The following CPNE8 variants were observed in gnomAD, a reference collection of about 807,000 sequenced individuals.
The protein encoded by CPNE8 is copine-8.
A neutral mutation model predicts 81.5 loss-of-function variants in CPNE8; 45 were observed. The ratio of observed to expected loss-of-function variants is 0.55; its 90% CI spans 0.44 to 0.71. The LOEUF (loss-of-function observed/expected upper bound fraction) is 0.71. Among genes scored for constraint, CPNE8 ranks in the 30% least tolerant of loss-of-function variants. The pLI, the probability that CPNE8 is intolerant of heterozygous loss-of-function variation, is 0.00. For missense variants in CPNE8, 594 were observed against 672.1 expected, an observed-to-expected ratio of 0.88 and a Z score of 1.28; for synonymous variants, 252 against 226.3, an observed-to-expected ratio of 1.11 and a Z score of -1.02.
At chr12:38,791,221 T>A (rs1942314918) in intron 6 of CPNE8, among the ~76,000 whole-genome samples, 1 of 151,660 alleles carries the variant, frequency 6.6e-6, no homozygotes, top group Non-Finnish European at 1.5e-5. Context: ...TCAGAACAGA[T>A]GTTTCATTTC....
At chr12:38,700,024 A>C (rs1350517092) in intron 14 of CPNE8, among the ~76,000 whole-genome samples, 1 of 151,992 alleles carries the variant, frequency 6.6e-6, no homozygotes, top group Non-Finnish European at 1.5e-5. Flanking sequence ...GGATACTTTT[A>C]TTTCTCTCCT....
intron 1 of CPNE8, among the ~76,000 whole-genome samples, chr12:38,879,143 A>G (rs181709110): frequency 4.3e-4 from 66 of 152,298 alleles, no homozygotes; most frequent in Non-Finnish European, 7.9e-4. Context: ...GTCCCTGGCA[A>G]AACTCCAACC....
chr12:38,797,192 C>A (rs1380163821), intron 6 of CPNE8, among the ~76,000 whole-genome samples: 2 of 152,150 alleles, frequency 1.3e-5, no homozygotes, highest in South Asian at 2.1e-4. Context: ...TTGAACAGAG[C>A]AGTGGTTCTC....
At position 38,783,808 on chromosome 12, in the gene CPNE8, T is replaced by G. The variant is rs146781301; in HGVS notation, c.408-7507A>C. ...TACTAGTCTGCAAGAACCACAGCAT[T>G]GGTGGGCTTTGGCCCCTAAAGTAGA... On this transcript the variant is annotated intron_variant, in intron 6 of 19. Coordinates refer to ENST00000331366, the MANE Select transcript of CPNE8 (RefSeq NM_153634.3). Among the ~76,000 whole-genome samples the G allele has an allele frequency of 9.5e-4, 144 of 152,338 alleles. 1 individual carries two copies. The highest frequency in any genetic ancestry group is 3.3e-3 in the African/African-American group (138 of 41,590).
intron 1 of CPNE8, among the ~76,000 whole-genome samples, chr12:38,902,452 AAG>A (rs1195566722): frequency 6.6e-6 from 1 of 151,952 alleles, no homozygotes; most frequent in East Asian, 1.9e-4. Context: ...GAGAGAAAGA[AAG>A]ATAAAGAATG....
intron 1 of CPNE8, among the ~76,000 whole-genome samples, chr12:38,898,505 TACA>T (rs1228838566): frequency 2.0e-5 from 3 of 152,178 alleles, no homozygotes; most frequent in African/African-American, 7.2e-5. Flanking sequence ...TGTTACGGTC[TACA>T]ACAACTTTAC....
chr12:38,686,568 A>T (rs553647472), intron 15 of CPNE8, among the ~76,000 whole-genome samples: 6 of 152,386 alleles, frequency 3.9e-5, no homozygotes, highest in Non-Finnish European at 7.3e-5. Context: ...AGTGGCTTAA[A>T]GCAATGAACA....
chr12:38,796,457 T>A (rs1942475923), intron 6 of CPNE8, among the ~76,000 whole-genome samples: 1 of 152,150 alleles, frequency 6.6e-6, no homozygotes. Flanking sequence ...TTCCTATTCA[T>A]CAAAGCATAG....
chr12:38,872,998 AC>A lies in CPNE8; in HGVS notation c.186+5del, dbSNP rs1944014816. 6.6e-7 allele frequency: 1 copy of A among 1,510,892 alleles called. No homozygotes were observed. The highest frequency in any genetic ancestry group is 9.2e-7 in the Non-Finnish European group (1 of 1,090,966). 93.6% of individuals were successfully genotyped at this position (1,510,892 alleles called of 1,614,324 possible). ...AGTGATTTTTTTAAAAAAGTTTTAA[AC>A]TTACCTCTCTCCATTCTTTATTTCC... On this transcript the variant is annotated splice_donor_5th_base_variant and intron_variant, in intron 3 of 19. Transcript: ENST00000331366.
intron 15 of CPNE8, among the ~76,000 whole-genome samples, chr12:38,686,872 C>T (rs1565567275): frequency 6.6e-6 from 1 of 152,292 alleles, no homozygotes; most frequent in East Asian, 1.9e-4. Flanking sequence ...GCCCCAATGC[C>T]TTTTATGAGC....
chr12:38,811,736 G>A (rs1592112976), intron 6 of CPNE8, among the ~76,000 whole-genome samples: 1 of 152,258 alleles, frequency 6.6e-6, no homozygotes, highest in East Asian at 1.9e-4. Context: ...GCTGGGTGTG[G>A]TGGTGCACAC....
At chr12:38,742,830 T>C (rs1313602345) in intron 10 of CPNE8, among the ~76,000 whole-genome samples, 1 of 151,996 alleles carries the variant, frequency 6.6e-6, no homozygotes, top group Non-Finnish European at 1.5e-5. Context: ...AACAAGTTTG[T>C]GTCTCTGTCC....
chr12:38,652,392 TCAA>T lies in CPNE8; in HGVS notation c.*1487_*1489del, dbSNP rs1338549753. On this transcript the variant is annotated 3_prime_UTR_variant, in exon 20 of 20. Coordinates refer to ENST00000331366, the MANE Select transcript of CPNE8 (RefSeq NM_153634.3). ...AAAGATTTTAATACATAATTAAAAA[TCAA>T]CAATTATTACATAGTTATATAACAT... 1 of 152,552 alleles carries T rather than the reference TCAA, an allele frequency of 6.6e-6. No individual in the cohort carries two copies. The highest frequency in any genetic ancestry group is 1.5e-5 in the Non-Finnish European group (1 of 67,986). 9.4% of individuals were successfully genotyped at this position (152,552 alleles called of 1,614,324 possible).
intron 7 of CPNE8, among the ~76,000 whole-genome samples, chr12:38,770,491 C>T (rs1259091622): frequency 6.6e-6 from 1 of 152,226 alleles, no homozygotes; most frequent in Non-Finnish European, 1.5e-5. Context: ...CCAATCCATT[C>T]TCCATTCAGC....
intron 14 of CPNE8, among the ~76,000 whole-genome samples, chr12:38,699,165 C>T (rs1220133134): frequency 6.6e-6 from 1 of 152,106 alleles, no homozygotes; most frequent in African/African-American, 2.4e-5. Context: ...ATAATTTGCA[C>T]TTATCTTGTT....
At chr12:38,877,174 G>T (rs1944079564) in intron 1 of CPNE8, among the ~76,000 whole-genome samples, 1 of 152,080 alleles carries the variant, frequency 6.6e-6, no homozygotes, top group African/African-American at 2.4e-5. Context: ...TATTGAAAAT[G>T]TCAAAGGCCT....
intron 6 of CPNE8, among the ~76,000 whole-genome samples, chr12:38,823,833 A>G (rs1421785633): frequency 1.3e-5 from 2 of 152,204 alleles, no homozygotes; most frequent in Non-Finnish European, 2.9e-5. Flanking sequence ...GATAGAAGAC[A>G]TACGACTCTT....
At chr12:38,706,835 T>C (rs1940119493) in intron 13 of CPNE8, among the ~76,000 whole-genome samples, 2 of 152,198 alleles carry the variant, frequency 1.3e-5, no homozygotes, top group Admixed American at 1.3e-4. Flanking sequence ...GTTTCTAACT[T>C]GTTCTCCAGG....
intron 19 of CPNE8, among the ~76,000 whole-genome samples, chr12:38,658,678 C>G (rs936227196): frequency 6.6e-6 from 1 of 152,120 alleles, no homozygotes; most frequent in Non-Finnish European, 1.5e-5. Flanking sequence ...AAAGGGAAAC[C>G]CATCAGAGTA....
Sources: allele counts gnomAD v4.1 joint callset (sites outside exome capture counted in the v4.1 genomes callset), GRCh38; gene constraint gnomAD v4.1.1; transcripts MANE v1.5; gene names NCBI Gene and HGNC (gene_info 2026-07-23, HGNC 2026-07-21).